Variants in ZFHX3 observed in about 807,000 individuals in gnomAD.
The protein encoded by ZFHX3 is zinc finger homeobox protein 3.
Under a neutral mutation model 279.1 loss-of-function variants are expected in ZFHX3, and 42 were observed. That is an observed-to-expected ratio of 0.15 (90% confidence interval 0.12 to 0.19). The LOEUF (loss-of-function observed/expected upper bound fraction) is 0.19. Ranked by LOEUF, ZFHX3 falls within the 10% of genes least tolerant of loss-of-function variation. ZFHX3 has a pLI of 1.00. For missense variants in ZFHX3, 4,981 were observed against 4,754.0 expected (o/e 1.05, Z -1.40); for synonymous variants, 2,293 against 1,957.8 (o/e 1.17, Z -4.52).
intron 4 of ZFHX3, among the ~76,000 whole-genome samples, chr16:72,860,412 C>T (rs894154654): frequency 1.3e-5 from 2 of 152,140 alleles, no homozygotes; most frequent in African/African-American, 4.8e-5. Flanking sequence ...TCCCTCCAAA[C>T]CACCTTCCAA....
chr16:72,896,647 C>A (rs1251839566), intron 3 of ZFHX3, among the ~76,000 whole-genome samples: 2 of 151,902 alleles, frequency 1.3e-5, no homozygotes, highest in Admixed American at 6.5e-5. Context: ...TCGTGAAAAT[C>A]AAAAAAACGT....
At chr16:73,475,043 T>C (rs2018741118) in intron 2 of ZFHX3, among the ~76,000 whole-genome samples, 1 of 152,172 alleles carries the variant, frequency 6.6e-6, no homozygotes, top group Non-Finnish European at 1.5e-5. Context: ...CCTCATCCTG[T>C]CTCCCTCCCT....
At position 73,715,564 on chromosome 16, in the gene ZFHX3, T is replaced by TC. The variant is rs1272764486; in HGVS notation, c.-1607-35325_-1607-35324insG. ...AGTTAGCAAGTACCACAGCTGGTCT[T>TC]TTTTTTTTTTTTTTTTTTTTTTTTT... On this transcript the variant is annotated intron_variant, in intron 1 of 17. Coordinates refer to the ZFHX3 transcript ENST00000641206. 2.2e-4 allele frequency among the ~76,000 whole-genome samples: 26 copies of TC among 118,672 alleles called. 1 individual carries two copies. Among genetic ancestry groups the TC allele is most frequent in the African/African-American group, 9.2e-4 (26 of 28,122 alleles). 77.9% of individuals were successfully genotyped at this position (118,672 alleles called of 152,430 possible).
chr16:73,856,389 A>T (rs1186181410), intron 1 of ZFHX3, among the ~76,000 whole-genome samples: 2 of 152,176 alleles, frequency 1.3e-5, no homozygotes, highest in Non-Finnish European at 2.9e-5. Flanking sequence ...TGGTATTCAA[A>T]CTTAACTCCT....
intron 1 of ZFHX3, among the ~76,000 whole-genome samples, chr16:73,782,878 T>G (rs1959521337): frequency 6.6e-6 from 1 of 152,206 alleles, no homozygotes; most frequent in African/African-American, 2.4e-5. Context: ...TAAACTGTTG[T>G]GTTAAGCTTC....
intron 3 of ZFHX3, among the ~76,000 whole-genome samples, chr16:72,940,619 A>G (rs948411069): frequency 6.6e-6 from 1 of 152,214 alleles, no homozygotes; most frequent in African/African-American, 2.4e-5. Context: ...CAGCGACAGA[A>G]GACAGGAAGA....
chr16:73,218,147 A>G (rs1199746414), intron 5 of ZFHX3, among the ~76,000 whole-genome samples: 3 of 152,172 alleles, frequency 2.0e-5, no homozygotes, highest in Non-Finnish European at 4.4e-5. Flanking sequence ...AGTACATGGT[A>G]TGGCCTTATC....
chr16:73,735,229 G>T (rs1183869162), intron 1 of ZFHX3, among the ~76,000 whole-genome samples: 1 of 152,044 alleles, frequency 6.6e-6, no homozygotes. Context: ...AAAGTATTTG[G>T]AATGAAATCT....
At chr16:72,849,673 T>C (rs1435547238) in intron 4 of ZFHX3, among the ~76,000 whole-genome samples, 4 of 152,050 alleles carry the variant, frequency 2.6e-5, no homozygotes, top group Non-Finnish European at 2.9e-5. Context: ...TCCTAACCAA[T>C]GGCGGATGTA....
intron 1 of ZFHX3, among the ~76,000 whole-genome samples, chr16:73,023,969 G>T (rs974362804): frequency 1.1e-4 from 16 of 152,172 alleles, no homozygotes; most frequent in African/African-American, 3.9e-4. Flanking sequence ...TCTTTTGAGC[G>T]CTCTGTCTTC....
At chr16:73,823,833 A>G (rs1233419790) in intron 1 of ZFHX3, among the ~76,000 whole-genome samples, 1 of 152,224 alleles carries the variant, frequency 6.6e-6, no homozygotes, top group African/African-American at 2.4e-5. Context: ...TCACACCTGC[A>G]AGAAACAAAC....
intron 1 of ZFHX3, among the ~76,000 whole-genome samples, chr16:73,045,545 C>T (rs1249473160): frequency 6.6e-6 from 1 of 151,878 alleles, no homozygotes; most frequent in Non-Finnish European, 1.5e-5. Context: ...ATGGGCCTTT[C>T]CAACCCTCCC....
intron 3 of ZFHX3, among the ~76,000 whole-genome samples, chr16:72,911,007 C>T (rs2039303429): frequency 6.6e-6 from 1 of 152,182 alleles, no homozygotes; most frequent in African/African-American, 2.4e-5. Context: ...CAGAAGTCAA[C>T]CCTGGGATCT....
chr16:73,444,777 T>C (rs76958259), intron 3 of ZFHX3, among the ~76,000 whole-genome samples: 4,585 of 152,152 alleles, frequency 0.03, 98 homozygotes, highest in Non-Finnish European at 0.043. Flanking sequence ...TGCAACACCA[T>C]GCATGTTTAT....
chr16:73,730,736 AT>A (rs993330113), intron 1 of ZFHX3, among the ~76,000 whole-genome samples: 2 of 152,190 alleles, frequency 1.3e-5, no homozygotes, highest in Non-Finnish European at 2.9e-5. Flanking sequence ...ATTTCCGGCC[AT>A]TTTTTCAAAC....
At position 73,168,279 on chromosome 16, in the gene ZFHX3, C is replaced by CTTTCTTTCTTTCTTTT. The variant is rs1555502322; in HGVS notation, c.-1103-24449_-1103-24448insAAAAGAAAGAAAGAAA. Among the ~76,000 whole-genome samples the CTTTCTTTCTTTCTTTT allele has an allele frequency of 7.3e-4, 105 of 143,744 alleles. 2 individuals are homozygous for CTTTCTTTCTTTCTTTT. The highest frequency in any genetic ancestry group is 2.7e-3 in the African/African-American group (103 of 38,070). The allele number at this position is 143,744 out of a possible 152,430, so 94.3% of individuals were successfully genotyped here. On this transcript the variant is annotated intron_variant, in intron 5 of 17. Coordinates refer to the ZFHX3 transcript ENST00000641206. ...TCTTTCTTTCTTTCTTTCTTTCTTT[C>CTTTCTTTCTTTCTTTT]GAGACAAAGTCTCACTCTGTCATCC...
intron 3 of ZFHX3, among the ~76,000 whole-genome samples, chr16:73,342,869 A>G (rs2016059654): frequency 2.0e-5 from 3 of 152,246 alleles, no homozygotes; most frequent in African/African-American, 7.2e-5. Context: ...AAAGTATTTC[A>G]AATGAGCAAC....
intron 2 of ZFHX3, among the ~76,000 whole-genome samples, chr16:73,509,849 C>T (rs1008861245): frequency 6.6e-6 from 1 of 152,122 alleles, no homozygotes; most frequent in Non-Finnish European, 1.5e-5. Flanking sequence ...GGACCCACCA[C>T]CATGCCCGGC....
intron 4 of ZFHX3, among the ~76,000 whole-genome samples, chr16:72,862,178 G>C (rs547353895): frequency 6.6e-6 from 1 of 152,292 alleles, no homozygotes; most frequent in South Asian, 2.1e-4. Flanking sequence ...ACCTCCAAGG[G>C]TTTCCCATAG....
Sources: allele counts gnomAD v4.1 joint callset (sites outside exome capture counted in the v4.1 genomes callset), GRCh38; gene constraint gnomAD v4.1.1; transcripts MANE v1.5; gene names NCBI Gene and HGNC (gene_info 2026-07-23, HGNC 2026-07-21).